The following ARHGAP20 variants were observed in gnomAD, a reference collection of about 807,000 sequenced individuals.
ARHGAP20 encodes rho GTPase-activating protein 20.
In ARHGAP20, 34 loss-of-function variants were observed where a neutral mutation model predicts 73.7. The ratio of observed to expected loss-of-function variants is 0.46; its 90% CI spans 0.35 to 0.61. ARHGAP20 has a LOEUF of 0.61. ARHGAP20 is among the 20% of genes least tolerant of loss of function. The pLI, the probability that ARHGAP20 is intolerant of heterozygous loss-of-function variation, is 0.00. For missense variants in ARHGAP20, 1,314 were observed against 1,420.9 expected (o/e 0.92, Z 1.21); for synonymous variants, 523 against 518.2 (o/e 1.01, Z -0.13).
chr11:110,704,596 C>T (rs1950519040), intron 1 of ARHGAP20, among the ~76,000 whole-genome samples: 2 of 152,194 alleles, frequency 1.3e-5, no homozygotes, highest in Admixed American at 6.5e-5. Flanking sequence ...CTACAAGCCT[C>T]ATTATTGATG....
At position 110,644,683 on chromosome 11, in the gene ARHGAP20, A is replaced by C. The variant is rs370122520; in HGVS notation, c.189-13891T>G. 7.2e-5 allele frequency among the ~76,000 whole-genome samples: 11 copies of C among 152,296 alleles called. 1 individual carries two copies. Among genetic ancestry groups the C allele is most frequent in the African/African-American group, 2.4e-4 (10 of 41,584 alleles). ...GAAATACTCAAATGTAGGACTATAAAAATCCTAGAAGAAAACCTAGGAAAT... is the reference window on the plus strand; with the variant it reads ...GAAATACTCAAATGTAGGACTATAACAATCCTAGAAGAAAACCTAGGAAAT... On this transcript the variant is annotated intron_variant, in intron 2 of 14. Transcript: ENST00000683387.
chr11:110,703,658 CATT>C (rs1950500614), intron 1 of ARHGAP20, among the ~76,000 whole-genome samples: 1 of 152,110 alleles, frequency 6.6e-6, no homozygotes, highest in South Asian at 2.1e-4. Flanking sequence ...TTCCCTTATA[CATT>C]ATTCTTTGTT....
chr11:110,598,469 T>C (rs1440736792), intron 9 of ARHGAP20, among the ~76,000 whole-genome samples: 1 of 152,234 alleles, frequency 6.6e-6, no homozygotes, highest in African/African-American at 2.4e-5. Context: ...CAATCTTTCA[T>C]TTAATTTCTA....
At chr11:110,636,497 C>T (rs995961798) in intron 2 of ARHGAP20, among the ~76,000 whole-genome samples, 1 of 151,954 alleles carries the variant, frequency 6.6e-6, no homozygotes, top group African/African-American at 2.4e-5. Context: ...ACTCATTTTC[C>T]TCCTCGTGAT....
At chr11:110,655,446 GT>G (rs1452865127) in intron 2 of ARHGAP20, among the ~76,000 whole-genome samples, 3 of 152,190 alleles carry the variant, frequency 2.0e-5, no homozygotes, top group Non-Finnish European at 2.9e-5. Context: ...GGATTAATGT[GT>G]TTTGCGTTGG....
At chr11:110,647,538 A>G (rs1203643429) in intron 2 of ARHGAP20, among the ~76,000 whole-genome samples, 1 of 152,148 alleles carries the variant, frequency 6.6e-6, no homozygotes, top group South Asian at 2.1e-4. Context: ...TCTGGTAGGC[A>G]TCCATGAAGA....
At chr11:110,671,516 A>G (rs1279177495) in intron 2 of ARHGAP20, among the ~76,000 whole-genome samples, 6 of 152,104 alleles carry the variant, frequency 3.9e-5, no homozygotes, top group Non-Finnish European at 8.8e-5. Context: ...AAGCGAAGGA[A>G]ATAAAAATCA....
At chr11:110,695,097 T>C (rs1370370150) in intron 1 of ARHGAP20, among the ~76,000 whole-genome samples, 1 of 151,636 alleles carries the variant, frequency 6.6e-6, no homozygotes, top group African/African-American at 2.4e-5. Flanking sequence ...ACAATAAAGT[T>C]AATCATTTGT....
At chr11:110,610,855 T>C (rs748139572) in intron 7 of ARHGAP20, among the ~76,000 whole-genome samples, 2 of 152,160 alleles carry the variant, frequency 1.3e-5, no homozygotes, top group African/African-American at 4.8e-5. Flanking sequence ...AATATGGTTT[T>C]ATGAAAAATT....
intron 2 of ARHGAP20, among the ~76,000 whole-genome samples, chr11:110,672,592 G>T (rs902610250): frequency 5.3e-5 from 8 of 151,968 alleles, no homozygotes; most frequent in Admixed American, 2.6e-4. Flanking sequence ...CTACAAGCAT[G>T]CACCACCACA....
intron 2 of ARHGAP20, among the ~76,000 whole-genome samples, chr11:110,680,726 TCTC>T (rs1473647537): frequency 1.3e-5 from 2 of 152,158 alleles, no homozygotes; most frequent in African/African-American, 4.8e-5. Flanking sequence ...CTAAATTTAA[TCTC>T]CTAAAGATTT....
intron 2 of ARHGAP20, among the ~76,000 whole-genome samples, chr11:110,631,739 T>C (rs1383788883): frequency 6.6e-6 from 1 of 152,310 alleles, no homozygotes; most frequent in East Asian, 1.9e-4. Context: ...CTCCTTGCCA[T>C]AAGCCTCTGG....
intron 1 of ARHGAP20, among the ~76,000 whole-genome samples, chr11:110,702,326 A>T (rs1309863083): frequency 6.6e-6 from 1 of 152,180 alleles, no homozygotes; most frequent in African/African-American, 2.4e-5. Flanking sequence ...CCTTTGACAA[A>T]ATTCAACAAC....
intron 7 of ARHGAP20, among the ~76,000 whole-genome samples, chr11:110,610,080 G>T (rs1948330273): frequency 6.6e-6 from 1 of 152,068 alleles, no homozygotes. Context: ...ATAAAAGAAT[G>T]AATCATGTCA....
chr11:110,601,361 C>T (rs768019103), intron 9 of ARHGAP20, among the ~76,000 whole-genome samples: 1 of 152,138 alleles, frequency 6.6e-6, no homozygotes, highest in Non-Finnish European at 1.5e-5. Flanking sequence ...CATATGTGAA[C>T]AAGGGAGCAT....
rs1278802818 is a variant in ARHGAP20 at position 110,583,576 on chromosome 11, G to A, written c.1577C>T (p.Pro526Leu). The A allele has an allele frequency of 6.2e-7, 1 of 1,610,402 alleles. No individual in the cohort carries two copies. The highest frequency in any genetic ancestry group is 8.5e-7 in the Non-Finnish European group (1 of 1,177,660). The change falls in exon 13 of 15, where the codon CCA becomes CTA. Residue 526 changes from proline to leucine, a missense_variant. Physicochemically the swap from Pro to Leu is moderately conservative, Grantham distance 98. This residue lies in a region of ARHGAP20 where 230 missense variants were observed against 317.6 expected (regional missense o/e 0.72). Coordinates refer to ENST00000683387, the MANE Select transcript of ARHGAP20 (RefSeq NM_001384657.1). Reference protein sequence around the residue: ...SILWPPASSSPELENEFTKKV... With the variant: ...SILWPPASSSLELENEFTKKV... ...TTTTGTAAATTCGTTTTCTAGTTCT[G>A]GGCTGGAGGAAGCAGGAGGCCAAAG...
intron 3 of ARHGAP20, among the ~76,000 whole-genome samples, 160 bp downstream of exon 3, chr11:110,630,468 A>C (rs1448133647): frequency 1.4e-5 from 2 of 146,906 alleles, no homozygotes; most frequent in Non-Finnish European, 3.0e-5. Context: ...AAAAATGAAC[A>C]ATCGATTTTT....
chr11:110,677,434 G>C (rs1324591223), intron 2 of ARHGAP20, among the ~76,000 whole-genome samples: 1 of 152,116 alleles, frequency 6.6e-6, no homozygotes, highest in Non-Finnish European at 1.5e-5. Context: ...TGGGCAAATG[G>C]CTTCAGCCCA....
In ARHGAP20 at chr11:110,656,500, C is replaced by T. The variant is rs75973851; in HGVS notation, c.189-25708G>A. Among the ~76,000 whole-genome samples, 751 of 152,244 alleles carry T rather than the reference C, an allele frequency of 4.9e-3. 1 individual carries two copies. The highest frequency in any genetic ancestry group is 0.017 in the African/African-American group (713 of 41,532). ...ATATGGCCTTTATTTCTACTTCTTC[C>T]CCAGTGGGTATTTGCCTGAGTCCTC... On this transcript the variant is annotated intron_variant, in intron 2 of 14. Coordinates refer to ENST00000683387, the MANE Select transcript of ARHGAP20 (RefSeq NM_001384657.1).
Sources: gnomAD v4.1 joint callset for allele counts (sites outside exome capture counted in the v4.1 genomes callset) on GRCh38, gnomAD v4.1.1 for gene constraint, gnomAD v4.1.1 regional missense constraint, MANE v1.5 for transcripts, NCBI Gene and HGNC (gene_info 2026-07-23, HGNC 2026-07-21) for gene names.